Variants in MSLN observed in about 807,000 individuals in gnomAD.
The protein encoded by MSLN is mesothelin, also known as CAK1 antigen.
A neutral mutation model predicts 72.6 loss-of-function variants in MSLN; 82 were observed. The observed-to-expected ratio is 1.13, with a 90% CI of 0.94 to 1.36. The LOEUF (loss-of-function observed/expected upper bound fraction) is 1.36, where lower values mean the gene tolerates loss of function less well. MSLN is among the 40% of genes most tolerant of loss of function. The pLI, the probability that MSLN is intolerant of heterozygous loss-of-function variation, is 0.00. For missense variants in MSLN, 1,005 were observed against 847.9 expected (o/e 1.19, Z -2.30); for synonymous variants, 456 against 387.3 (o/e 1.18, Z -2.08).
At chr16:765,431 C>T in intron 9 of MSLN, 96 bp from the exon 10 acceptor site, 4 of 1,419,958 alleles carry the variant, frequency 2.8e-6, no homozygotes, top group Non-Finnish European at 2.8e-6. Context: ...CCAATGCCCC[C>T]AGCGTCCCCT....
intron 13 of MSLN, 74 bp from the exon 14 acceptor site, chr16:766,594 G>A (rs570045105): frequency 9.9e-6 from 16 of 1,609,584 alleles, no homozygotes; most frequent in East Asian, 6.7e-5. Flanking sequence ...TCAGGGGCAC[G>A]GCCTGAGGTT....
Position 766,568 on chromosome 16 carries a change from T to C in MSLN, c.1230+78T>C, listed in dbSNP as rs1436483701. On this transcript the variant is annotated intron_variant, in intron 13 of 17. Transcript: ENST00000545450. ...GCAGAGTGGGGGACAAAGCCTGAGG[T>C]TGGGCGGGCCTGGGGTCAGGGGCAC... is the stretch of plus-strand genomic sequence containing the variant. The C allele has an allele frequency of 8.1e-6, 13 of 1,608,410 alleles. No homozygotes were observed. In the East Asian group the frequency reaches 1.1e-4, roughly 14 times the overall value.
chr16:763,632 G>A lies in MSLN; in HGVS notation c.130-10G>A. The A allele has an allele frequency of 6.3e-7, 1 of 1,596,716 alleles. No individual in the cohort carries two copies. The highest frequency in any genetic ancestry group is 8.6e-7 in the Non-Finnish European group (1 of 1,169,128). On this transcript the variant is annotated splice_polypyrimidine_tract_variant and intron_variant, in intron 4 of 17. Transcript: ENST00000545450. The stretch of plus-strand genomic sequence containing the variant: ...GTCTGAGCCATGTTCAGCAGGCCCT[G>A]TGTCCCCAGGAGGCTGCGCCCCTGG...
At chr16:767,075 G>A (rs2041625291) in intron 15 of MSLN, 63 bp downstream of exon 15, 1 of 1,606,052 alleles carries the variant, frequency 6.2e-7, no homozygotes, top group Admixed American at 1.7e-5. Flanking sequence ...ACTCCACTCG[G>A]GGGTGCCAGG....
In MSLN at chr16:766,723, C is replaced by A. The variant is rs764756412; in HGVS notation, c.1286C>A (p.Thr429Asn). The change falls in exon 14 of 18, where the codon ACC (threonine) becomes AAC (asparagine). Residue 429 changes from threonine (T) to asparagine (N), a missense_variant. Coordinates refer to ENST00000545450, the MANE Select transcript of MSLN (RefSeq NM_005823.6). ...GGAAGGGGCCAGCTAGACAAAGACA[C>A]CCTAGACACCCTGACCGCCTTCTAC... ...VKGRGQLDKDTLDTLTAFYPG... is the reference protein window; with the variant it reads ...VKGRGQLDKDNLDTLTAFYPG... The A allele has an allele frequency of 3.7e-6, 6 of 1,612,646 alleles. No homozygotes were observed. The highest frequency in any genetic ancestry group is 2.2e-5 in the South Asian group (2 of 91,078).
At position 766,796 on chromosome 16, in the gene MSLN, C is replaced by A. The variant is rs757952632; in HGVS notation, c.1359C>A (p.Pro453=). 1.9e-6 allele frequency: 3 copies of A among 1,612,574 alleles called. No homozygotes were observed. Among genetic ancestry groups the A allele is most frequent in the South Asian group, 2.2e-5 (2 of 91,090 alleles). The part of the protein sequence containing the change: ...SLSPEELSSV[P]PSSIWAVRPQ... ...GCCCCGAGGAGCTGAGCTCCGTGCC[C>A]CCCAGCAGCATCTGGTGAGTCCCCA... Residue 453 remains proline, a synonymous_variant, in exon 14 of 18, where the codon CCC becomes CCA. Transcript: ENST00000545450.
At chr16:763,348 T>A (rs993742045) in intron 4 of MSLN, 72 bp downstream of exon 4, 14 of 1,271,080 alleles carry the variant, frequency 1.1e-5, no homozygotes, top group Non-Finnish European at 1.4e-5. Context: ...GTGTTCTCTC[T>A]GTCACGTATC....
At chr16:762,004 C>T (rs1255714770) in intron 2 of MSLN, among the ~76,000 whole-genome samples, 4 of 152,222 alleles carry the variant, frequency 2.6e-5, no homozygotes, top group South Asian at 2.1e-4. Flanking sequence ...TCCCCACCCA[C>T]TTCCCCACCC....
In MSLN at chr16:766,691, T is replaced by C; in HGVS notation, c.1254T>C (p.Phe418=). 6.2e-7 allele frequency: 1 copy of C among 1,612,524 alleles called. No individual in the cohort carries two copies. The highest frequency in any genetic ancestry group is 8.5e-7 in the Non-Finnish European group (1 of 1,179,856). Residue 418 remains phenylalanine, a synonymous_variant, in exon 14 of 18, where the codon TTT becomes TTC. Coordinates refer to ENST00000545450, the MANE Select transcript of MSLN (RefSeq NM_005823.6). ...AGGTGGCCACCCTGATCGACCGCTT[T>C]GTGAAGGGAAGGGGCCAGCTAGACA... ...SPQVATLIDR[F]VKGRGQLDKD... is the part of the protein sequence containing the mutation.
chr16:765,808 C>A lies in MSLN; in HGVS notation c.895+18C>A. The A allele has an allele frequency of 1.3e-6, 2 of 1,592,288 alleles. No individual in the cohort carries two copies. Among genetic ancestry groups the A allele is most frequent in the Non-Finnish European group, 8.5e-7 (1 of 1,176,622 alleles). On this transcript the variant is annotated intron_variant, in intron 11 of 17. Transcript: ENST00000545450. ...AGTGGAGAGTGAGTGCCGTGCCCTG[C>A]GCAGTCTGGCACCAGGCTGGGCAGC...
intron 15 of MSLN, 31 bp from the exon 16 acceptor site, chr16:767,345 C>T: frequency 2.5e-6 from 4 of 1,589,948 alleles, no homozygotes; most frequent in South Asian, 1.1e-5. Context: ...TGAGGTGAGG[C>T]CTCAGCTCGG....
chr16:762,743 C>T lies in MSLN; in HGVS notation c.63C>T (p.Leu21=). 1 of 1,599,650 alleles carries T rather than the reference C, an allele frequency of 6.3e-7. No homozygotes were observed. The highest frequency in any genetic ancestry group is 8.5e-7 in the Non-Finnish European group (1 of 1,174,488). Reference sequence around the variant, plus strand: ...GTGGGACCCCCGCCCTCGGCAGCCTCCTGTTCCTGCTCTTCAGCCTCGGTG... The same window carrying T: ...GTGGGACCCCCGCCCTCGGCAGCCTTCTGTTCCTGCTCTTCAGCCTCGGTG... ...GSCGTPALGS[L]LFLLFSLGWV... is the part of the protein sequence containing the mutation. The change falls in exon 3 of 18, where the codon CTC becomes CTT. Residue 21 remains leucine (L), a synonymous_variant. Transcript: ENST00000545450.
chr16:762,601 C>T lies in MSLN; in HGVS notation c.-9-71C>T, dbSNP rs1027395366. The T allele has an allele frequency of 1.1e-5, 13 of 1,209,952 alleles. 1 individual carries two copies. The highest frequency in any genetic ancestry group is 1.9e-5 in the Admixed American group (1 of 52,788). 75.0% of individuals were successfully genotyped at this position (1,209,952 alleles called of 1,614,324 possible). On this transcript the variant is annotated intron_variant, in intron 2 of 17. Transcript: ENST00000545450. ...GGAGCCCCTCCTGGGCCCATGTGGC[C>T]CCAGGCTGGCCCAGGACAGAGGCGT...
intron 9 of MSLN, 66 bp from the exon 10 acceptor site, chr16:765,461 C>A: frequency 6.7e-7 from 1 of 1,496,158 alleles, no homozygotes; most frequent in Non-Finnish European, 9.0e-7. Flanking sequence ...GGGGGTACGG[C>A]CTGGCCTCTT....
chr16:765,627 C>G lies in MSLN; in HGVS notation c.795+10C>G, dbSNP rs757930546. The G allele has an allele frequency of 3.1e-6, 5 of 1,601,374 alleles. No individual in the cohort carries two copies. Among genetic ancestry groups the G allele is most frequent in the Admixed American group, 3.3e-5 (2 of 59,892 alleles). On this transcript the variant is annotated intron_variant, in intron 10 of 17. Transcript: ENST00000545450. ...CCGCAGCATCCCGCAGGTGAGACCC[C>G]AATCCCCAGCCCGTGGGGATGCCCG...
rs762323134 is a variant in MSLN, at chr16:768,634, C to T, written c.1784-14C>T. The T allele has an allele frequency of 3.1e-6, 5 of 1,611,128 alleles. No individual in the cohort carries two copies. Among genetic ancestry groups the T allele is most frequent in the East Asian group, 4.5e-5 (2 of 44,848 alleles). On this transcript the variant is annotated splice_polypyrimidine_tract_variant and intron_variant, in intron 17 of 17. Transcript: ENST00000545450. ...CGTGGAGGTGGGCGCTCTGAGTCAC[C>T]CCTCTCTCTGTAGAGGCCCTCTCGG...
In MSLN at chr16:767,046, C is replaced by T. The variant is rs369046632; in HGVS notation, c.1501+34C>T. The T allele has an allele frequency of 4.3e-5, 70 of 1,611,386 alleles. No homozygotes were observed. In the African/African-American group the frequency reaches 8.0e-4, roughly 18 times the overall value. Reference sequence around the variant, plus strand: ...GGGAGTCCCTGGCCAGGGTGGGCAACACAACGGGGGAAGCACAGACTCCAC... The same window carrying T: ...GGGAGTCCCTGGCCAGGGTGGGCAATACAACGGGGGAAGCACAGACTCCAC... On this transcript the variant is annotated intron_variant, in intron 15 of 17. Coordinates refer to ENST00000545450, the MANE Select transcript of MSLN (RefSeq NM_005823.6).
At position 767,427 on chromosome 16, in the gene MSLN, T is replaced by C. The variant is rs538679960; in HGVS notation, c.1553T>C (p.Met518Thr). 4.4e-6 allele frequency: 7 copies of C among 1,582,482 alleles called. No homozygotes were observed. The highest frequency in any genetic ancestry group is 1.7e-5 in the Admixed American group (1 of 57,906). The change falls in exon 16 of 18, where the codon ATG becomes ACG. Residue 518 changes from methionine to threonine, a missense_variant. Coordinates refer to ENST00000545450, the MANE Select transcript of MSLN (RefSeq NM_005823.6). ...GCGCTCAGTCAGCAGAATGTGAGCA[T>C]GGACTTGGCCACGTTCATGAAGCTG... ...LKALSQQNVS[M>T]DLATFMKLRT...
In MSLN at chr16:760,788, C is replaced by T. The variant is rs940196481; in HGVS notation, c.-145C>T. 1 of 152,444 alleles carries T rather than the reference C, an allele frequency of 6.6e-6. No homozygotes were observed. The highest frequency in any genetic ancestry group is 2.4e-5 in the African/African-American group (1 of 41,472). 9.4% of individuals were successfully genotyped at this position (152,444 alleles called of 1,614,324 possible). Reference sequence around the variant, plus strand: ...GCTGCCAGGCTCTCCACCCCCACTTCCCAATTGAGGAAACCGAGGCAGAGG... The same window carrying T: ...GCTGCCAGGCTCTCCACCCCCACTTTCCAATTGAGGAAACCGAGGCAGAGG... On this transcript the variant is annotated 5_prime_UTR_variant, in exon 1 of 18. Coordinates refer to ENST00000545450, the MANE Select transcript of MSLN (RefSeq NM_005823.6).
Sources: gnomAD v4.1 joint callset for allele counts (sites outside exome capture counted in the v4.1 genomes callset) on GRCh38, gnomAD v4.1.1 for gene constraint, MANE v1.5 for transcripts, NCBI Gene and HGNC (gene_info 2026-07-23, HGNC 2026-07-21) for gene names.